The following FER variants were observed in gnomAD, a reference collection of about 807,000 sequenced individuals.
FER encodes the protein FER tyrosine kinase, also known as tyrosine-protein kinase Fer.
A neutral mutation model predicts 111.0 loss-of-function variants in FER; 63 were observed. The observed-to-expected ratio is 0.57, with a 90% CI of 0.46 to 0.70. FER has a LOEUF of 0.70. Among genes scored for constraint, FER ranks in the 30% least tolerant of loss-of-function variants. The pLI is 0.00. For synonymous variants in FER, 327 were observed against 313.9 expected (o/e 1.04, Z -0.44); for missense variants, 914 against 954.0 (o/e 0.96, Z 0.55).
intron 16 of FER, among the ~76,000 whole-genome samples, chr5:109,084,387 A>G (rs1197661190): frequency 6.6e-6 from 1 of 151,940 alleles, no homozygotes; most frequent in Non-Finnish European, 1.5e-5. Context: ...GCCAGTTCTG[A>G]AAGTTCTGGA....
chr5:108,822,708 TATTTA>T (rs1227420604), intron 3 of FER, among the ~76,000 whole-genome samples: 1 of 122,362 alleles, frequency 8.2e-6, no homozygotes. Flanking sequence ...AATTTTATTT[TATTTA>T]TTTTATTTTA....
intron 17 of FER, among the ~76,000 whole-genome samples, chr5:109,163,658 G>T (rs1256532243): frequency 2.0e-5 from 3 of 152,042 alleles, no homozygotes; most frequent in African/African-American, 7.2e-5. Flanking sequence ...TGTTGCCCAG[G>T]CTGGTCTTGA....
intron 5 of FER, among the ~76,000 whole-genome samples, chr5:108,850,754 C>T (rs1448975572): frequency 6.6e-6 from 1 of 152,064 alleles, no homozygotes; most frequent in Non-Finnish European, 1.5e-5. Context: ...GATTTTACTA[C>T]ACCGTTATTT....
intron 17 of FER, among the ~76,000 whole-genome samples, chr5:109,147,780 C>T (rs966755029): frequency 7.1e-6 from 1 of 140,162 alleles, no homozygotes; most frequent in East Asian, 2.1e-4. Flanking sequence ...CACACACATA[C>T]ATATATATAT....
At chr5:108,880,057 T>C (rs1419593951) in intron 8 of FER, among the ~76,000 whole-genome samples, 1 of 152,106 alleles carries the variant, frequency 6.6e-6, no homozygotes, top group Admixed American at 6.6e-5. Flanking sequence ...TTTTCTTCTT[T>C]GATGTCTGTC....
chr5:108,840,643 G>A (rs1391686826), intron 5 of FER, among the ~76,000 whole-genome samples: 1 of 151,616 alleles, frequency 6.6e-6, no homozygotes, highest in Non-Finnish European at 1.5e-5. Flanking sequence ...TATATTTCCT[G>A]TAAATTTAAG....
intron 10 of FER, among the ~76,000 whole-genome samples, chr5:108,917,398 A>G (rs974955526): frequency 4.6e-5 from 7 of 152,220 alleles, no homozygotes; most frequent in African/African-American, 1.2e-4. Flanking sequence ...TGGACTAGTC[A>G]CACTAGACCA....
At chr5:108,768,927 C>T (rs984904777) in intron 2 of FER, among the ~76,000 whole-genome samples, 3 of 151,836 alleles carry the variant, frequency 2.0e-5, no homozygotes, top group Non-Finnish European at 4.4e-5. Context: ...TGGGTTCAAG[C>T]GATTCTCCTG....
intron 5 of FER, among the ~76,000 whole-genome samples, chr5:108,840,304 T>G (rs1005083787): frequency 6.6e-6 from 1 of 152,152 alleles, no homozygotes; most frequent in African/African-American, 2.4e-5. Context: ...CTTATACAGG[T>G]TGGTGTAAAA....
chr5:109,187,629 C>T lies in FER; in HGVS notation c.*54C>T. On this transcript the variant is annotated 3_prime_UTR_variant, in exon 20 of 20. Transcript: ENST00000281092. Reference sequence around the variant, plus strand: ...AGGACTCTGTCCTCCAGCAGAGTAACATTATTGTTCTCATTAACAATGAAT... The same window carrying T: ...AGGACTCTGTCCTCCAGCAGAGTAATATTATTGTTCTCATTAACAATGAAT... 6.3e-7 allele frequency: 1 copy of T among 1,587,190 alleles called. No homozygotes were observed. Among genetic ancestry groups the T allele is most frequent in the Admixed American group, 1.8e-5 (1 of 56,622 alleles).
intron 16 of FER, among the ~76,000 whole-genome samples, chr5:109,081,865 A>G (rs1453524668): frequency 6.6e-6 from 1 of 151,978 alleles, no homozygotes; most frequent in African/African-American, 2.4e-5. Context: ...ACTTTTTCCT[A>G]AAGTACTTTA....
At chr5:108,857,398 A>G (rs1009624951) in intron 5 of FER, among the ~76,000 whole-genome samples, 1 of 152,118 alleles carries the variant, frequency 6.6e-6, no homozygotes, top group African/African-American at 2.4e-5. Context: ...GGTGCTTTAT[A>G]TCAGGTCCAT....
chr5:108,927,252 C>CTTTTTTTTTTTGTTTTTTTT (rs1753879164), intron 10 of FER, among the ~76,000 whole-genome samples: 1 of 95,254 alleles, frequency 1.0e-5, no homozygotes, highest in African/African-American at 5.8e-5. Flanking sequence ...AGAAGTGGCT[C>CTTTTTTTTTTTGTTTTTTTT]TTTTTTTTTT....
intron 16 of FER, among the ~76,000 whole-genome samples, chr5:109,081,194 G>C (rs917988739): frequency 1.3e-5 from 2 of 152,036 alleles, no homozygotes; most frequent in African/African-American, 2.4e-5. Context: ...AGTGAGAAAA[G>C]ACGATCTGCA....
chr5:108,879,701 A>AAATATAT lies in FER; in HGVS notation c.924-3694_924-3693insATATATA. 3.1e-3 allele frequency among the ~76,000 whole-genome samples: 304 copies of AAATATAT among 99,088 alleles called. 9 individuals are homozygous for AAATATAT. Among genetic ancestry groups the AAATATAT allele is most frequent in the East Asian group, 0.021 (97 of 4,556 alleles). 65.0% of individuals were successfully genotyped at this position (99,088 alleles called of 152,430 possible). A position where few individuals can be genotyped will look rare whatever the true frequency, so the allele number is the denominator to read the frequency against. Reference sequence around the variant, plus strand: ...ATGTATTTTTTTTAGATTAAAAAAAAATATATATATATATATATATATATT... The same window carrying AAATATAT: ...ATGTATTTTTTTTAGATTAAAAAAAAAATATATATATATATATATATATATATATATT... On this transcript the variant is annotated intron_variant, in intron 8 of 19. Coordinates refer to ENST00000281092, the MANE Select transcript of FER (RefSeq NM_005246.4).
Position 108,941,856 on chromosome 5 carries a change from T to G in FER, c.1237-4274T>G, listed in dbSNP as rs1756318819. ...TAGGACAGTGTTGGCTACATGTTGT[T>G]AAACATTTGTCCAAACCCATAGAAT... On this transcript the variant is annotated intron_variant, in intron 10 of 19. Transcript: ENST00000281092. Among the ~76,000 whole-genome samples the G allele has an allele frequency of 2.0e-5, 3 of 152,268 alleles. No individual in the cohort carries two copies. The South Asian group carries it at 6.2e-4, about 32-fold the overall frequency.
intron 13 of FER, among the ~76,000 whole-genome samples, chr5:108,983,739 G>A (rs572988894): frequency 6.6e-6 from 1 of 152,248 alleles, no homozygotes; most frequent in African/African-American, 2.4e-5. Context: ...AGAGGAGCAA[G>A]AGACATATGG....
chr5:108,925,093 A>G (rs915792201), intron 10 of FER, among the ~76,000 whole-genome samples: 2 of 151,720 alleles, frequency 1.3e-5, no homozygotes, highest in African/African-American at 4.8e-5. Flanking sequence ...CATGGAAGGT[A>G]AAAGAGAGTG....
At chr5:108,823,336 T>A (rs1357549312) in intron 3 of FER, among the ~76,000 whole-genome samples, 2 of 152,280 alleles carry the variant, frequency 1.3e-5, no homozygotes, top group African/African-American at 4.8e-5. Context: ...CAGTTCTATT[T>A]TTAATTTTTT....
Sources: allele counts gnomAD v4.1 joint callset (sites outside exome capture counted in the v4.1 genomes callset), GRCh38; gene constraint gnomAD v4.1.1; transcripts MANE v1.5; gene names NCBI Gene and HGNC (gene_info 2026-07-23, HGNC 2026-07-21).